PTPN1: variants seen among roughly 807,000 people sequenced by gnomAD.
The protein encoded by PTPN1 is protein tyrosine phosphatase non-receptor type 1.
A neutral mutation model predicts 59.9 loss-of-function variants in PTPN1; 12 were observed. The observed-to-expected ratio is 0.20, with a 90% confidence interval of 0.13 to 0.32. The LOEUF is 0.32. PTPN1 is among the 10% of genes least tolerant of loss of function. The pLI, the probability that PTPN1 is intolerant of heterozygous loss-of-function variation, is 1.00. For synonymous variants in PTPN1, 178 were observed against 203.6 expected (o/e 0.87, Z 1.07); for missense variants, 356 against 549.2 (o/e 0.65, Z 3.52).
At chr20:50,564,920 A>C (rs1276489849) in intron 2 of PTPN1, 49 bp from the exon 3 acceptor site, 1 of 1,610,480 alleles carries the variant, frequency 6.2e-7, no homozygotes, top group South Asian at 1.1e-5. Flanking sequence ...CTGTATGTAC[A>C]CATTCAGCTT....
chr20:50,558,162 A>C (rs1373381309), intron 1 of PTPN1, among the ~76,000 whole-genome samples: 1 of 151,930 alleles, frequency 6.6e-6, no homozygotes, highest in African/African-American at 2.4e-5. Flanking sequence ...TAATTTGCAT[A>C]ATTTTCTTTG....
chr20:50,561,576 C>T (rs548065181), intron 2 of PTPN1, 123 bp downstream of exon 2: 31 of 565,626 alleles, frequency 5.5e-5, no homozygotes, highest in African/African-American at 2.1e-4. Context: ...GTTTATGACG[C>T]GATTGTTTCC....
rs1260498315 is a variant in PTPN1 at position 50,574,450 on chromosome 20, C to G, written c.355-67C>G. 2.0e-6 allele frequency: 3 copies of G among 1,464,876 alleles called. No individual in the cohort carries two copies. The African/African-American group carries it at 4.4e-5, about 21-fold the overall frequency. The allele number at this position is 1,464,876 out of a possible 1,614,324, so 90.7% of individuals were successfully genotyped here. A position where few individuals can be genotyped will look rare whatever the true frequency, so the allele number is the denominator to read the frequency against. On this transcript the variant is annotated intron_variant, in intron 4 of 9. Transcript: ENST00000371621. ...TATCATGAAGCTTGTGGGATGTGCT[C>G]CAAGCCTCCTGCCATAGAAAAACTG...
At chr20:50,540,561 G>A (rs944912778) in intron 1 of PTPN1, among the ~76,000 whole-genome samples, 1 of 152,122 alleles carries the variant, frequency 6.6e-6, no homozygotes, top group Non-Finnish European at 1.5e-5. Context: ...TTAACATTGG[G>A]GATCACATTT....
intron 1 of PTPN1, among the ~76,000 whole-genome samples, chr20:50,547,324 C>T (rs952245420): frequency 6.6e-6 from 1 of 151,568 alleles, no homozygotes; most frequent in Non-Finnish European, 1.5e-5. Context: ...AGTTGGTGTG[C>T]TGTTTCTAAA....
At chr20:50,555,037 T>C (rs1197813235) in intron 1 of PTPN1, among the ~76,000 whole-genome samples, 1 of 152,142 alleles carries the variant, frequency 6.6e-6, no homozygotes, top group Non-Finnish European at 1.5e-5. Flanking sequence ...TGAAAAAGCA[T>C]GACCCAACTA....
intron 1 of PTPN1, among the ~76,000 whole-genome samples, chr20:50,533,002 C>T (rs1173397783): frequency 1.3e-5 from 2 of 151,666 alleles, no homozygotes; most frequent in Non-Finnish European, 2.9e-5. Context: ...CAGGTATTGC[C>T]CTGTTTTGTT....
chr20:50,553,980 A>G (rs925112086), intron 1 of PTPN1, among the ~76,000 whole-genome samples: 13 of 152,214 alleles, frequency 8.5e-5, no homozygotes, highest in African/African-American at 3.1e-4. Context: ...CATATGGAAC[A>G]ATATTAAACA....
chr20:50,550,317 T>A (rs1003993058), intron 1 of PTPN1, among the ~76,000 whole-genome samples: 3 of 152,198 alleles, frequency 2.0e-5, no homozygotes, highest in African/African-American at 7.2e-5. Flanking sequence ...GAAGATGTGA[T>A]GGGTGCTAAG....
intron 1 of PTPN1, among the ~76,000 whole-genome samples, chr20:50,533,135 C>G (rs753295404): frequency 4.6e-5 from 7 of 151,180 alleles, no homozygotes; most frequent in African/African-American, 7.3e-5. Flanking sequence ...TTGAGGTGTT[C>G]TAGCGAATTT....
At chr20:50,553,336 CA>C (rs1202746385) in intron 1 of PTPN1, among the ~76,000 whole-genome samples, 1 of 152,140 alleles carries the variant, frequency 6.6e-6, no homozygotes, top group Non-Finnish European at 1.5e-5. Context: ...GATTGGGGTT[CA>C]AAGGAGGCTG....
intron 5 of PTPN1, 126 bp from the exon 6 acceptor site, chr20:50,578,294 G>A: frequency 2.2e-6 from 2 of 889,216 alleles, no homozygotes; most frequent in South Asian, 1.6e-5. Context: ...GACCCTGGGA[G>A]AAAGTCTGAG....
chr20:50,550,480 A>G (rs111865090), intron 1 of PTPN1, among the ~76,000 whole-genome samples: 95 of 152,364 alleles, frequency 6.2e-4, no homozygotes, highest in African/African-American at 2.2e-3. Flanking sequence ...TTTGGTCAGA[A>G]GGCTGTGTGG....
chr20:50,534,133 T>G (rs750134385), intron 1 of PTPN1, among the ~76,000 whole-genome samples: 72 of 152,250 alleles, frequency 4.7e-4, no homozygotes, highest in South Asian at 2.1e-3. Context: ...ACCATGTTGG[T>G]CAGTCTGGTT....
chr20:50,582,979 C>G lies in PTPN1; in HGVS notation c.*264C>G. 1 of 538,434 alleles carries G rather than the reference C, an allele frequency of 1.9e-6. No homozygotes were observed. The allele number at this position is 538,434 out of a possible 1,614,324, so 33.4% of individuals were successfully genotyped here. On this transcript the variant is annotated 3_prime_UTR_variant, in exon 10 of 10. Coordinates refer to ENST00000371621, the MANE Select transcript of PTPN1 (RefSeq NM_002827.4). The surrounding 1 kb of genome is among the most constrained non-coding windows in gnomAD (Gnocchi z 4.2). ...AGAGTGAAAGAGAGTACCATGCTGG[C>G]GGCGCAGAGGGAAGGGGCCTACACC... is the stretch of plus-strand genomic sequence containing the variant.
chr20:50,562,078 C>T (rs906169415), intron 2 of PTPN1, among the ~76,000 whole-genome samples: 11 of 152,220 alleles, frequency 7.2e-5, no homozygotes, highest in Non-Finnish European at 1.3e-4. Flanking sequence ...TTAGAATTTG[C>T]ATAAAGTAAG....
chr20:50,538,707 C>T (rs1227224883), intron 1 of PTPN1, among the ~76,000 whole-genome samples: 2 of 152,130 alleles, frequency 1.3e-5, no homozygotes, highest in African/African-American at 4.8e-5. Context: ...ATAGTTGCTT[C>T]TATACTATTA....
At chr20:50,517,828 A>G (rs1237843650) in intron 1 of PTPN1, among the ~76,000 whole-genome samples, 1 of 152,180 alleles carries the variant, frequency 6.6e-6, no homozygotes, top group Non-Finnish European at 1.5e-5. Flanking sequence ...CACTTGAAGT[A>G]AAGTTTTGGG....
At chr20:50,536,712 G>A (rs1033022702) in intron 1 of PTPN1, among the ~76,000 whole-genome samples, 2 of 152,204 alleles carry the variant, frequency 1.3e-5, no homozygotes, top group African/African-American at 4.8e-5. Flanking sequence ...TTTTAAGGAT[G>A]TTTTTAATAA....
Sources: allele counts gnomAD v4.1 joint callset (sites outside exome capture counted in the v4.1 genomes callset), GRCh38; gene constraint gnomAD v4.1.1; non-coding constraint Gnocchi (gnomAD v3.1); transcripts MANE v1.5; gene names NCBI Gene and HGNC (gene_info 2026-07-23, HGNC 2026-07-21).